EML6: variants seen among roughly 807,000 people sequenced by gnomAD.
EML6 encodes the protein echinoderm microtubule-associated protein-like 6.
Under a neutral mutation model 240.1 loss-of-function variants are expected in EML6, and 154 were observed. The ratio of observed to expected loss-of-function variants is 0.64; its 90% confidence interval spans 0.56 to 0.73. The LOEUF is 0.73. Ranked by LOEUF, EML6 falls within the 30% of genes least tolerant of loss-of-function variation. The probability of loss-of-function intolerance (pLI) is 0.00; values close to 1 mark genes in which losing one functional copy is unlikely to be tolerated. For missense variants in EML6, 2,964 were observed against 2,474.6 expected (o/e 1.20, Z -4.20); for synonymous variants, 1,148 against 899.0 (o/e 1.28, Z -4.95).
At chr2:54,871,650 G>C (rs992356279) in intron 16 of EML6, 45 bp downstream of exon 16, 5 of 1,337,210 alleles carry the variant, frequency 3.7e-6, no homozygotes, top group Non-Finnish European at 4.2e-6. Flanking sequence ...TTGAGAGAGA[G>C]AGAGACACAG....
chr2:54,886,932 A>G (rs931129133), intron 17 of EML6, among the ~76,000 whole-genome samples: 2 of 152,344 alleles, frequency 1.3e-5, no homozygotes, highest in Admixed American at 6.5e-5. Flanking sequence ...GGGAGGCAGT[A>G]GGCATGGTCC....
intron 8 of EML6, among the ~76,000 whole-genome samples, 186 bp downstream of exon 8, chr2:54,844,434 T>C (rs1445141790): frequency 6.6e-6 from 1 of 152,230 alleles, no homozygotes; most frequent in African/African-American, 2.4e-5. Context: ...CTTGGCTGCA[T>C]CTTAAATCAT....
At chr2:54,871,318 G>A (rs1460451838) in intron 15 of EML6, among the ~76,000 whole-genome samples, 182 bp from the exon 16 acceptor site, 1 of 152,226 alleles carries the variant, frequency 6.6e-6, no homozygotes, top group Non-Finnish European at 1.5e-5. Flanking sequence ...AAGCCTCTTA[G>A]AGATACAGTG....
intron 38 of EML6, among the ~76,000 whole-genome samples, chr2:54,965,315 G>C (rs1439206393): frequency 2.0e-5 from 3 of 152,250 alleles, no homozygotes; most frequent in African/African-American, 2.4e-5. Flanking sequence ...TGTAAAAGGA[G>C]AGAGGATGTA....
At chr2:54,726,219 C>T (rs762140252) in intron 2 of EML6, among the ~76,000 whole-genome samples, 3 of 152,230 alleles carry the variant, frequency 2.0e-5, no homozygotes, top group Non-Finnish European at 4.4e-5. Context: ...GGATGGACTA[C>T]AACTGACAGA....
At chr2:54,734,801 A>G (rs1244074558) in intron 2 of EML6, among the ~76,000 whole-genome samples, 1 of 152,264 alleles carries the variant, frequency 6.6e-6, no homozygotes, top group East Asian at 1.9e-4. Flanking sequence ...TGGATGATTT[A>G]GTGAGTGTAG....
At chr2:54,846,287 CAT>C (rs1357203141) in intron 8 of EML6, among the ~76,000 whole-genome samples, 1 of 152,030 alleles carries the variant, frequency 6.6e-6, no homozygotes, top group Non-Finnish European at 1.5e-5. Context: ...ACAAATGTAA[CAT>C]ATATTTCAAT....
intron 2 of EML6, among the ~76,000 whole-genome samples, chr2:54,810,398 C>T (rs1399371887): frequency 6.6e-6 from 1 of 152,104 alleles, no homozygotes; most frequent in Non-Finnish European, 1.5e-5. Flanking sequence ...CTGTTTATTC[C>T]ATTCCCCCCA....
At chr2:54,723,880 T>C (rs1183716526) in intron 1 of EML6, 103 bp downstream of exon 1, 1 of 152,336 alleles carries the variant, frequency 6.6e-6, no homozygotes, top group Non-Finnish European at 1.5e-5. Flanking sequence ...GGCCGAACAG[T>C]CCTGAGGGCG....
intron 16 of EML6, 70 bp downstream of exon 16, chr2:54,871,675 G>T (rs940339753): frequency 6.5e-6 from 7 of 1,077,212 alleles, no homozygotes; most frequent in Non-Finnish European, 9.8e-6. Flanking sequence ...AGTATGCCCC[G>T]CGCATGCGCG....
At chr2:54,917,373 T>TTTTTTTTTTTTG (rs1558684013) in intron 26 of EML6, among the ~76,000 whole-genome samples, 12 of 145,174 alleles carry the variant, frequency 8.3e-5, no homozygotes, top group Non-Finnish European at 1.1e-4. Flanking sequence ...TTTTTTTTTT[T>TTTTTTTTTTTTG]TTGTTTTTTG....
At chr2:54,866,723 T>G in intron 13 of EML6, 43 bp from the exon 14 acceptor site, 1 of 1,163,678 alleles carries the variant, frequency 8.6e-7, no homozygotes, top group Non-Finnish European at 1.2e-6. Flanking sequence ...TTTTGGAACC[T>G]GATGAAAGGC....
intron 3 of EML6, among the ~76,000 whole-genome samples, chr2:54,814,395 G>A (rs1371374557): frequency 6.6e-6 from 1 of 152,152 alleles, no homozygotes; most frequent in Non-Finnish European, 1.5e-5. Flanking sequence ...ACACTGGGCA[G>A]AAAAGATAGG....
In EML6 at chr2:54,892,460, G is replaced by A. The variant is rs540881715; in HGVS notation, c.2546G>A (p.Gly849Asp). The A allele has an allele frequency of 6.4e-7, 1 of 1,550,478 alleles. No individual in the cohort carries two copies. Among genetic ancestry groups the A allele is most frequent in the South Asian group, 1.2e-5 (1 of 84,034 alleles). The change falls in exon 19 of 42, where the codon GGC (glycine) becomes GAC (aspartate). Residue 849 changes from glycine (G) to aspartate (D), a missense_variant. Physicochemically the swap from Gly to Asp is moderately conservative, Grantham distance 94. Coordinates refer to ENST00000356458, the MANE Select transcript of EML6 (RefSeq NM_001039753.4). ...HIKFWQQAGG[G>D]FTSKRGTFGS... ...TGTTCTTGGTCCACTCTAGGTGGGGGCTTCACTTCTAAAAGAGGAACTTTT... is the reference window on the plus strand; with the variant it reads ...TGTTCTTGGTCCACTCTAGGTGGGGACTTCACTTCTAAAAGAGGAACTTTT...
chr2:54,956,740 A>G (rs1676252949), intron 32 of EML6, among the ~76,000 whole-genome samples: 1 of 152,202 alleles, frequency 6.6e-6, no homozygotes, highest in South Asian at 2.1e-4. Context: ...GAAAGCTGTC[A>G]TAAAAACAAA....
intron 2 of EML6, among the ~76,000 whole-genome samples, chr2:54,808,510 C>CTTT (rs1236671010): frequency 6.8e-6 from 1 of 146,742 alleles, no homozygotes; most frequent in African/African-American, 2.5e-5. Flanking sequence ...CCTGGTGAGA[C>CTTT]TTTTTTTTTT....
rs1446351587 is a variant in EML6 at position 54,928,634 on chromosome 2, G to C, written c.3887G>C (p.Ser1296Thr). Residue 1296 changes from serine (S) to threonine (T), a missense_variant, in exon 28 of 42, where the codon AGC (serine) becomes ACC (threonine). By Grantham distance (58) the Ser-to-Thr change is moderately conservative. Transcript: ENST00000356458. The stretch of plus-strand genomic sequence containing the variant: ...CTTTCTGTTGTTTGAGGCTATGACA[G>C]CGATGTTGCTAGAGAAAAGGCCATT... ...TDVEEDGGYD[S>T]DVAREKAIDY... is the part of the protein sequence containing the mutation. 1.3e-5 allele frequency: 20 copies of C among 1,552,174 alleles called. No individual in the cohort carries two copies. The highest frequency in any genetic ancestry group is 1.7e-5 in the Non-Finnish European group (19 of 1,147,102).
chr2:54,737,323 G>A (rs1683442719), intron 2 of EML6, among the ~76,000 whole-genome samples: 1 of 152,084 alleles, frequency 6.6e-6, no homozygotes, highest in Admixed American at 6.5e-5. Context: ...TTTTAAGATG[G>A]AGTCTCACTC....
chr2:54,923,852 T>A (rs1674397902), intron 26 of EML6, among the ~76,000 whole-genome samples: 2 of 152,192 alleles, frequency 1.3e-5, no homozygotes, highest in South Asian at 4.1e-4. Flanking sequence ...CACCATAAAT[T>A]TTACCTGTTT....
Sources: gnomAD v4.1 joint callset for allele counts (sites outside exome capture counted in the v4.1 genomes callset) on GRCh38, gnomAD v4.1.1 for gene constraint, MANE v1.5 for transcripts, NCBI Gene and HGNC (gene_info 2026-07-23, HGNC 2026-07-21) for gene names.